The following RBFOX1 variants were observed in gnomAD, a reference collection of about 807,000 sequenced individuals.
RBFOX1 encodes the protein RNA binding protein fox-1 homolog 1.
RBFOX1 carries 8 observed loss-of-function variants against 57.7 expected under a neutral mutation model. That is an observed-to-expected ratio of 0.14 (90% CI 0.08 to 0.25). The LOEUF (loss-of-function observed/expected upper bound fraction) is 0.25, where lower values mean the gene tolerates loss of function less well. Among genes scored for constraint, RBFOX1 ranks in the 10% least tolerant of loss-of-function variants. The pLI, the probability that RBFOX1 is intolerant of heterozygous loss-of-function variation, is 1.00. For missense variants in RBFOX1, 611 were observed against 548.5 expected, an observed-to-expected ratio of 1.11 and a Z score of -1.14; for synonymous variants, 326 against 222.4, an observed-to-expected ratio of 1.47 and a Z score of -4.15.
intron 3 of RBFOX1, among the ~76,000 whole-genome samples, chr16:5,780,244 C>T (rs748779918): frequency 5.9e-5 from 9 of 152,224 alleles, no homozygotes; most frequent in Non-Finnish European, 1.2e-4. Flanking sequence ...CCTTGTGATC[C>T]ACCCATCTCT....
chr16:7,453,817 T>G (rs988914920), intron 4 of RBFOX1, among the ~76,000 whole-genome samples: 3 of 152,158 alleles, frequency 2.0e-5, no homozygotes, highest in African/African-American at 7.2e-5. Flanking sequence ...AGGAGCACCT[T>G]CAGCCTTAAG....
chr16:6,431,312 G>C (rs920255141), intron 2 of RBFOX1, among the ~76,000 whole-genome samples: 1 of 151,946 alleles, frequency 6.6e-6, no homozygotes, highest in Non-Finnish European at 1.5e-5. Context: ...AAGGATACCT[G>C]CTTCTAGCAT....
At chr16:6,533,754 A>G (rs573965776) in intron 2 of RBFOX1, among the ~76,000 whole-genome samples, 209 of 152,298 alleles carry the variant, frequency 1.4e-3, no homozygotes, top group African/African-American at 4.8e-3. Flanking sequence ...ACCTGACTAC[A>G]AAAGCAAACA....
chr16:5,967,002 G>GGC (rs1555458327), intron 4 of RBFOX1, among the ~76,000 whole-genome samples: 4 of 103,760 alleles, frequency 3.9e-5, no homozygotes, highest in African/African-American at 9.5e-5. Context: ...GGGGGGGGGG[G>GGC]GGTCAATAAA....
intron 4 of RBFOX1, among the ~76,000 whole-genome samples, chr16:7,278,391 G>C (rs1474785948): frequency 6.6e-6 from 1 of 152,138 alleles, no homozygotes; most frequent in Non-Finnish European, 1.5e-5. Flanking sequence ...AGATTCCTAT[G>C]TATATCTGAC....
intron 3 of RBFOX1, among the ~76,000 whole-genome samples, chr16:5,793,954 G>T (rs528461356): frequency 6.6e-6 from 1 of 152,268 alleles, no homozygotes; most frequent in South Asian, 2.1e-4. Context: ...CATTTTTTGG[G>T]AGAGTTAATA....
At chr16:5,358,732 C>A (rs527914358) in intron 1 of RBFOX1, among the ~76,000 whole-genome samples, 1 of 152,152 alleles carries the variant, frequency 6.6e-6, no homozygotes, top group African/African-American at 2.4e-5. Context: ...GAGGTTGAGG[C>A]AGGAGAATCG....
intron 3 of RBFOX1, among the ~76,000 whole-genome samples, chr16:5,771,359 G>A (rs2053970314): frequency 6.6e-6 from 1 of 152,238 alleles, no homozygotes; most frequent in Non-Finnish European, 1.5e-5. Flanking sequence ...AGTCAAACCA[G>A]TAGCCAGTAA....
intron 3 of RBFOX1, among the ~76,000 whole-genome samples, chr16:6,883,561 C>T (rs756308138): frequency 6.6e-6 from 1 of 152,206 alleles, no homozygotes; most frequent in Non-Finnish European, 1.5e-5. Flanking sequence ...TATGTAACTG[C>T]TCAGCTTACC....
intron 1 of RBFOX1, among the ~76,000 whole-genome samples, chr16:5,294,043 A>G (rs1160227960): frequency 6.6e-6 from 1 of 152,184 alleles, no homozygotes; most frequent in African/African-American, 2.4e-5. Context: ...TGCTTGGCCA[A>G]CGTGGTGAAA....
At chr16:7,454,095 T>C (rs192322074) in intron 4 of RBFOX1, among the ~76,000 whole-genome samples, 1 of 152,254 alleles carries the variant, frequency 6.6e-6, no homozygotes, top group East Asian at 1.9e-4. Context: ...TAGCTGAGTG[T>C]GGTGGCCCAT....
chr16:6,254,954 G>C (rs2097651124), intron 1 of RBFOX1, among the ~76,000 whole-genome samples: 1 of 151,688 alleles, frequency 6.6e-6, no homozygotes, highest in Non-Finnish European at 1.5e-5. Context: ...TTATTTCCCA[G>C]ATTATTAAAA....
chr16:6,472,315 C>G (rs530365948), intron 2 of RBFOX1, among the ~76,000 whole-genome samples: 8 of 152,178 alleles, frequency 5.3e-5, no homozygotes, highest in African/African-American at 1.7e-4. Flanking sequence ...CTATGGTACA[C>G]GTGGTGGAGA....
intron 5 of RBFOX1, among the ~76,000 whole-genome samples, chr16:7,578,269 C>T (rs1371146170): frequency 6.6e-6 from 1 of 152,140 alleles, no homozygotes; most frequent in Non-Finnish European, 1.5e-5. Flanking sequence ...AAGAAAATGA[C>T]CACTGTACTG....
intron 4 of RBFOX1, among the ~76,000 whole-genome samples, chr16:7,298,239 C>G (rs1441807505): frequency 6.6e-6 from 1 of 150,436 alleles, no homozygotes; most frequent in Non-Finnish European, 1.5e-5. Context: ...GGGTTAGAAG[C>G]ATCAACCCAC....
At chr16:5,341,055 C>G (rs1046530380) in intron 1 of RBFOX1, among the ~76,000 whole-genome samples, 5 of 152,100 alleles carry the variant, frequency 3.3e-5, no homozygotes, top group African/African-American at 1.2e-4. Flanking sequence ...GTATTCTAGG[C>G]AGAGAGACTA....
intron 4 of RBFOX1, among the ~76,000 whole-genome samples, chr16:5,929,758 C>A (rs540972034): frequency 6.6e-6 from 1 of 152,136 alleles, no homozygotes; most frequent in South Asian, 2.1e-4. Flanking sequence ...ACATGCATAC[C>A]TAGTCACTTG....
At chr16:7,701,681 C>A (rs979104289) in intron 14 of RBFOX1, among the ~76,000 whole-genome samples, 1 of 152,124 alleles carries the variant, frequency 6.6e-6, no homozygotes, top group Non-Finnish European at 1.5e-5. Flanking sequence ...GCTTGGTCAT[C>A]CCTATGGTCA....
chr16:6,168,731 A>G (rs932210832), intron 1 of RBFOX1, among the ~76,000 whole-genome samples: 2 of 151,894 alleles, frequency 1.3e-5, no homozygotes, highest in Admixed American at 6.6e-5. Context: ...AGTGTGTTTA[A>G]TATTGGAAGG....
Sources: gnomAD v4.1 joint callset for allele counts (sites outside exome capture counted in the v4.1 genomes callset) on GRCh38, gnomAD v4.1.1 for gene constraint, MANE v1.5 for transcripts, NCBI Gene and HGNC (gene_info 2026-07-23, HGNC 2026-07-21) for gene names.